The following NR6A1 variants were observed in gnomAD, a reference collection of about 807,000 sequenced individuals.
NR6A1 encodes retinoic acid receptor-related testis-associated receptor.
NR6A1 carries 7 observed loss-of-function variants against 59.1 expected under a neutral mutation model. The observed-to-expected ratio is 0.12, with a 90% CI of 0.07 to 0.22. The LOEUF (loss-of-function observed/expected upper bound fraction) is 0.22, where lower values mean the gene tolerates loss of function less well. NR6A1 is among the 10% of genes least tolerant of loss of function. The pLI, the probability that NR6A1 is intolerant of heterozygous loss-of-function variation, is 1.00. For synonymous variants in NR6A1, 243 were observed against 236.1 expected (o/e 1.03, Z -0.27); for missense variants, 468 against 611.6 (o/e 0.77, Z 2.48).
intron 1 of NR6A1, among the ~76,000 whole-genome samples, chr9:124,766,504 T>A (rs747836231): frequency 6.6e-6 from 1 of 152,244 alleles, no homozygotes; most frequent in Non-Finnish European, 1.5e-5. Flanking sequence ...TTTTTCTAAT[T>A]CTGACCTTTT....
intron 2 of NR6A1, among the ~76,000 whole-genome samples, chr9:124,596,141 G>T (rs1018523114): frequency 6.6e-6 from 1 of 151,960 alleles, no homozygotes; most frequent in Non-Finnish European, 1.5e-5. Flanking sequence ...CATTTTAAAA[G>T]AATTTATTTA....
chr9:124,680,312 A>G (rs1210614146), intron 2 of NR6A1, among the ~76,000 whole-genome samples: 2 of 152,168 alleles, frequency 1.3e-5, no homozygotes, highest in Non-Finnish European at 1.5e-5. Flanking sequence ...ATGCCATGTG[A>G]TTTACTTCTT....
chr9:124,697,429 G>A (rs998424715), intron 2 of NR6A1, among the ~76,000 whole-genome samples: 2 of 152,002 alleles, frequency 1.3e-5, no homozygotes, highest in Non-Finnish European at 2.9e-5. Flanking sequence ...ATAATAGGAG[G>A]GACCAATCCA....
chr9:124,605,445 C>A (rs188660654), intron 2 of NR6A1, among the ~76,000 whole-genome samples: 1 of 152,276 alleles, frequency 6.6e-6, no homozygotes, highest in Admixed American at 6.5e-5. Context: ...CTAGGCTACA[C>A]TGAGCTGTGA....
intron 2 of NR6A1, among the ~76,000 whole-genome samples, chr9:124,555,646 T>C (rs1833901021): frequency 6.6e-6 from 1 of 152,114 alleles, no homozygotes; most frequent in South Asian, 2.1e-4. Flanking sequence ...CAAAGGCACA[T>C]CATTATACCA....
chr9:124,555,457 A>G (rs1162461323), intron 2 of NR6A1, among the ~76,000 whole-genome samples: 1 of 152,160 alleles, frequency 6.6e-6, no homozygotes, highest in Non-Finnish European at 1.5e-5. Flanking sequence ...ATAATCAAGA[A>G]CATCGTTATA....
rs762482574 is a variant in NR6A1 at position 124,526,849 on chromosome 9, G to T, written c.1131C>A (p.His377Gln). ...EVIERLIYLY[H>Q]KFHQLKVSNE... ...TGCTGACCTTTAGCTGATGGAACTTGTGATAGAGGTAGATGAGCCGCTCGA... is the reference window on the plus strand; with the variant it reads ...TGCTGACCTTTAGCTGATGGAACTTTTGATAGAGGTAGATGAGCCGCTCGA... Residue 377 changes from histidine to glutamine, a missense_variant, in exon 8 of 10, where the codon CAC becomes CAA. Transcript: ENST00000487099. 6.2e-7 allele frequency: 1 copy of T among 1,614,090 alleles called. No homozygotes were observed. Among genetic ancestry groups the T allele is most frequent in the South Asian group, 1.1e-5 (1 of 91,076 alleles).
At chr9:124,585,483 G>A (rs1050738399) in intron 2 of NR6A1, among the ~76,000 whole-genome samples, 1 of 141,810 alleles carries the variant, frequency 7.1e-6, no homozygotes, top group African/African-American at 2.7e-5. Context: ...GGCAAAGCTT[G>A]CAGTGAGCCG....
chr9:124,738,564 G>T (rs1003909607), intron 1 of NR6A1, among the ~76,000 whole-genome samples: 16 of 152,192 alleles, frequency 1.1e-4, no homozygotes, highest in Middle Eastern at 6.8e-3. Flanking sequence ...GAAGATAAAT[G>T]CGTACTGAAA....
intron 2 of NR6A1, among the ~76,000 whole-genome samples, chr9:124,730,419 G>A (rs999326581): frequency 6.6e-6 from 1 of 151,836 alleles, no homozygotes; most frequent in Non-Finnish European, 1.5e-5. Context: ...TTGCAGAGAC[G>A]GGGCTCCCTA....
chr9:124,712,913 C>G (rs1053207366), intron 2 of NR6A1, among the ~76,000 whole-genome samples: 1 of 152,062 alleles, frequency 6.6e-6, no homozygotes. Context: ...GAAAACAACA[C>G]CACTCATGAT....
chr9:124,752,551 T>C (rs902737236), intron 1 of NR6A1, among the ~76,000 whole-genome samples: 1 of 152,144 alleles, frequency 6.6e-6, no homozygotes, highest in Non-Finnish European at 1.5e-5. Context: ...TTTAATGCAC[T>C]TGAGATAACA....
chr9:124,645,727 T>C (rs1836912095), intron 2 of NR6A1, among the ~76,000 whole-genome samples: 1 of 152,144 alleles, frequency 6.6e-6, no homozygotes, highest in Non-Finnish European at 1.5e-5. Context: ...CAGAAATTCA[T>C]TAAAAACATG....
intron 2 of NR6A1, among the ~76,000 whole-genome samples, chr9:124,725,580 G>A (rs960165790): frequency 1.3e-5 from 2 of 152,080 alleles, no homozygotes; most frequent in African/African-American, 4.8e-5. Flanking sequence ...TTCCTATCAG[G>A]AATCTGGGGA....
At chr9:124,550,136 T>G (rs1216941727) in intron 3 of NR6A1, among the ~76,000 whole-genome samples, 2 of 152,228 alleles carry the variant, frequency 1.3e-5, no homozygotes, top group Non-Finnish European at 2.9e-5. Context: ...TCTCAGTGTT[T>G]CATATCAGGG....
At chr9:124,687,817 A>G (rs950882538) in intron 2 of NR6A1, among the ~76,000 whole-genome samples, 2 of 152,212 alleles carry the variant, frequency 1.3e-5, no homozygotes, top group Non-Finnish European at 2.9e-5. Context: ...ATGCATTCAA[A>G]TATTTGTATA....
At chr9:124,770,931 C>G (rs555941530) in intron 1 of NR6A1, 89 bp downstream of exon 1, 3 of 760,742 alleles carry the variant, frequency 3.9e-6, no homozygotes, top group Non-Finnish European at 5.4e-6. Flanking sequence ...CTTCCCAGGG[C>G]GAGGGTCGGC....
chr9:124,680,114 GTGTGTGTT>G (rs1226828438), intron 2 of NR6A1, among the ~76,000 whole-genome samples: 1 of 151,860 alleles, frequency 6.6e-6, no homozygotes, highest in African/African-American at 2.4e-5. Flanking sequence ...GTGTGTGTGT[GTGTGTGTT>G]TATGTATGTA....
rs747139047 is a variant in NR6A1, at chr9:124,538,141, A to C, written c.775T>G (p.Ser259Ala). 1 of 1,614,184 alleles carries C rather than the reference A, an allele frequency of 6.2e-7. No individual in the cohort carries two copies. Among genetic ancestry groups the C allele is most frequent in the South Asian group, 1.1e-5 (1 of 91,068 alleles). ...QSYSLIHQLL[S>A]AEDLEPLGTP... The stretch of plus-strand genomic sequence containing the variant: ...CCCAATGGTTCCAGGTCCTCGGCTG[A>C]TAACAGCTGGTGAATCAGACTGTAT... Residue 259 changes from serine to alanine, a missense_variant, in exon 6 of 10, where the codon TCA becomes GCA. This residue lies in a region of NR6A1 where 151 missense variants were observed against 142.8 expected (regional missense o/e 1.06). Coordinates refer to ENST00000487099, the MANE Select transcript of NR6A1 (RefSeq NM_033334.4).
Sources: allele counts gnomAD v4.1 joint callset (sites outside exome capture counted in the v4.1 genomes callset), GRCh38; gene constraint gnomAD v4.1.1; regional missense constraint gnomAD v4.1.1; transcripts MANE v1.5; gene names NCBI Gene and HGNC (gene_info 2026-07-23, HGNC 2026-07-21).